The following EPB41L4A variants were observed in gnomAD, a reference collection of about 807,000 sequenced individuals.
EPB41L4A encodes the protein band 4.1-like protein 4A.
Under a neutral mutation model 108.6 loss-of-function variants are expected in EPB41L4A, and 100 were observed. The ratio of observed to expected loss-of-function variants is 0.92; its 90% CI spans 0.78 to 1.09. The LOEUF (loss-of-function observed/expected upper bound fraction) is 1.09, where lower values mean the gene tolerates loss of function less well. Ranked by LOEUF, EPB41L4A falls within the 50% of genes least tolerant of loss-of-function variation. EPB41L4A has a pLI of 0.00. For synonymous variants in EPB41L4A, 319 were observed against 289.0 expected (o/e 1.10, Z -1.05); for missense variants, 1,030 against 842.7 (o/e 1.22, Z -2.75).
chr5:112,144,375 C>A (rs1247226034), intron 13 of EPB41L4A, among the ~76,000 whole-genome samples: 1 of 152,122 alleles, frequency 6.6e-6, no homozygotes, highest in African/African-American at 2.4e-5. Context: ...ACCTTGACCT[C>A]CCAGGGCTTA....
intron 1 of EPB41L4A, among the ~76,000 whole-genome samples, chr5:112,321,202 G>A (rs1755752527): frequency 6.6e-6 from 1 of 152,208 alleles, no homozygotes; most frequent in Admixed American, 6.5e-5. Context: ...GAGGAGAGAT[G>A]TTGCCAGATC....
chr5:112,419,658 A>C (rs1336805675), upstream of EPB41L4A: 1 of 456,362 alleles, frequency 2.2e-6, no homozygotes, highest in Non-Finnish European at 4.4e-6. Context: ...CCATGGGCGC[A>C]GGGGCAGAGG....
Position 112,234,711 on chromosome 5 carries a change from A to C in EPB41L4A, c.1010T>G (p.Leu337Arg), listed in dbSNP as rs1420343900. 3 of 1,612,922 alleles carry C rather than the reference A, an allele frequency of 1.9e-6. No individual in the cohort carries two copies. In the South Asian group the frequency reaches 3.3e-5, roughly 18 times the overall value. Residue 337 changes from leucine to arginine, a missense_variant, in exon 12 of 23, where the codon CTT becomes CGT. Physicochemically the swap from Leu to Arg is moderately radical, Grantham distance 102. Transcript: ENST00000261486. ...LQMSRDLSIQLPRPDQNVTRS... is the reference protein window; with the variant it reads ...LQMSRDLSIQRPRPDQNVTRS... ...TGTCACATTCTGATCAGGCCGGGGAAGCTGAATAGAAAGATCTCGGCTCAT... is the reference window on the plus strand; with the variant it reads ...TGTCACATTCTGATCAGGCCGGGGACGCTGAATAGAAAGATCTCGGCTCAT...
chr5:112,157,985 G>C (rs1037002852), downstream of EPB41L4A, among the ~76,000 whole-genome samples: 4 of 152,318 alleles, frequency 2.6e-5, no homozygotes, highest in Non-Finnish European at 5.9e-5. Flanking sequence ...CTGCTTACCT[G>C]TACTTAGTAA....
chr5:112,184,059 G>A lies in EPB41L4A; in HGVS notation c.1579C>T (p.Gln527Ter). Residue 527 changes from glutamine (Q) to a stop codon, truncating the protein, a stop_gained, in exon 18 of 23, where the codon CAA becomes TAA. Coordinates refer to ENST00000261486, the MANE Select transcript of EPB41L4A (RefSeq NM_022140.5). LOFTEE classifies it high-confidence loss of function. ...AVLRRQKEKN[Q>*]ADPNNRRSRH... Reference sequence around the variant, plus strand: ...GATCGCCTGTTGTTGGGGTCGGCTTGGTTTTTTTCCTTTTGTCTCCTTAAT... The same window carrying A: ...GATCGCCTGTTGTTGGGGTCGGCTTAGTTTTTTTCCTTTTGTCTCCTTAAT... The A allele has an allele frequency of 6.2e-7, 1 of 1,613,968 alleles. No homozygotes were observed. The highest frequency in any genetic ancestry group is 1.1e-5 in the South Asian group (1 of 91,064).
At chr5:112,256,434 A>G (rs1469061928) in intron 9 of EPB41L4A, among the ~76,000 whole-genome samples, 1 of 152,212 alleles carries the variant, frequency 6.6e-6, no homozygotes, top group Non-Finnish European at 1.5e-5. Context: ...TGATATACCT[A>G]TAAAAATTTA....
chr5:112,264,854 A>G lies in EPB41L4A; in HGVS notation c.554+42T>C, dbSNP rs564773929. 2.5e-6 allele frequency: 4 copies of G among 1,581,084 alleles called. No homozygotes were observed. In the African/African-American group the frequency reaches 5.5e-5, roughly 22 times the overall value. On this transcript the variant is annotated intron_variant, in intron 6 of 22. Transcript: ENST00000261486. ...TTCTTGTGAATATCAGAAGATGATG[A>G]CTGATGGATGATGCAATAAGACATG... is the stretch of plus-strand genomic sequence containing the variant.
chr5:112,246,145 T>G (rs76190571), intron 9 of EPB41L4A, among the ~76,000 whole-genome samples: 12,107 of 152,226 alleles, frequency 0.08, 616 homozygotes, highest in African/African-American at 0.14. Context: ...CCCAGGCTTT[T>G]GTCAGAAGAT....
intron 1 of EPB41L4A, among the ~76,000 whole-genome samples, chr5:112,335,071 T>C (rs536798957): frequency 2.6e-5 from 4 of 152,172 alleles, no homozygotes; most frequent in African/African-American, 7.2e-5. Flanking sequence ...CTCTGTCAAG[T>C]AGAGGAACAA....
chr5:112,293,741 G>T (rs1012986078), intron 2 of EPB41L4A, among the ~76,000 whole-genome samples: 1 of 152,112 alleles, frequency 6.6e-6, no homozygotes, highest in African/African-American at 2.4e-5. Flanking sequence ...TGGGGGAGCC[G>T]TTTGGGAGGC....
chr5:112,192,750 T>A (rs1761768470), intron 17 of EPB41L4A, among the ~76,000 whole-genome samples: 1 of 152,206 alleles, frequency 6.6e-6, no homozygotes, highest in Non-Finnish European at 1.5e-5. Context: ...TAGCGAATGG[T>A]ACTGTGAGCA....
chr5:112,341,831 ACT>A (rs1393674928), intron 1 of EPB41L4A, among the ~76,000 whole-genome samples: 1 of 152,082 alleles, frequency 6.6e-6, no homozygotes, highest in East Asian at 1.9e-4. Flanking sequence ...CTTGAATAAC[ACT>A]CTAAACATAG....
rs1356119698 is a variant in EPB41L4A, at chr5:112,273,137, T to A, written c.335+2189A>T. ...AGGTACATTAATGGTAATATATTCATGCAAATCAATAATAAAATGAATAAT... is the reference window on the plus strand; with the variant it reads ...AGGTACATTAATGGTAATATATTCAAGCAAATCAATAATAAAATGAATAAT... On this transcript the variant is annotated intron_variant, in intron 4 of 22. Coordinates refer to ENST00000261486, the MANE Select transcript of EPB41L4A (RefSeq NM_022140.5). 2.0e-5 allele frequency among the ~76,000 whole-genome samples: 3 copies of A among 152,224 alleles called. No individual in the cohort carries two copies. In the East Asian group the frequency reaches 5.8e-4, roughly 29 times the overall value.
At chr5:112,275,282 T>A in intron 4 of EPB41L4A, 44 bp downstream of exon 4, 1 of 1,501,644 alleles carries the variant, frequency 6.7e-7, no homozygotes, top group African/African-American at 1.4e-5. Flanking sequence ...GCTTTTTGTA[T>A]ATGCAATGCA....
chr5:112,414,450 T>C (rs1762585948), intron 1 of EPB41L4A, among the ~76,000 whole-genome samples: 4 of 152,110 alleles, frequency 2.6e-5, no homozygotes, highest in Admixed American at 1.3e-4. Context: ...TTGGTTGTCA[T>C]TATTGGAAAA....
intron 1 of EPB41L4A, among the ~76,000 whole-genome samples, chr5:112,386,144 T>C (rs1760510235): frequency 6.6e-6 from 1 of 152,252 alleles, no homozygotes; most frequent in Admixed American, 6.5e-5. Context: ...GCACAGCTGT[T>C]TGTACTGAGA....
intron 1 of EPB41L4A, among the ~76,000 whole-genome samples, chr5:112,341,753 AAC>A (rs5870494): frequency 0.055 from 8,152 of 149,338 alleles, 616 homozygotes; most frequent in African/African-American, 0.16. Flanking sequence ...CACTATTTAA[AAC>A]ACACACACAC....
At chr5:112,246,377 G>GT (rs538269601) in intron 9 of EPB41L4A, among the ~76,000 whole-genome samples, 35 of 152,250 alleles carry the variant, frequency 2.3e-4, no homozygotes, top group Non-Finnish European at 4.6e-4. Flanking sequence ...ATTCAGTACA[G>GT]TAACATGCTG....
intron 1 of EPB41L4A, among the ~76,000 whole-genome samples, chr5:112,395,033 G>A (rs1361953962): frequency 6.6e-6 from 1 of 152,178 alleles, no homozygotes; most frequent in Non-Finnish European, 1.5e-5. Flanking sequence ...GGGAAAACTG[G>A]CTAGCCATAT....
Sources: gnomAD v4.1 joint callset for allele counts (sites outside exome capture counted in the v4.1 genomes callset) on GRCh38, gnomAD v4.1.1 for gene constraint, MANE v1.5 for transcripts, NCBI Gene and HGNC (gene_info 2026-07-23, HGNC 2026-07-21) for gene names.